Variants in ARFGAP3 observed in about 807,000 individuals in gnomAD.
The protein encoded by ARFGAP3 is ADP-ribosylation factor GTPase-activating protein 3.
In ARFGAP3, 72 loss-of-function variants were observed where a neutral mutation model predicts 75.0. That is an observed-to-expected ratio of 0.96 (90% CI 0.79 to 1.17). ARFGAP3 has a LOEUF of 1.17. ARFGAP3 is among the 50% of genes most tolerant of loss of function. The pLI, the probability that ARFGAP3 is intolerant of heterozygous loss-of-function variation, is 0.00. For missense variants in ARFGAP3, 620 were observed against 626.6 expected (o/e 0.99, Z 0.11); for synonymous variants, 221 against 217.9 (o/e 1.01, Z -0.13).
chr22:42,841,890 G>T (rs1342126238), intron 2 of ARFGAP3, among the ~76,000 whole-genome samples: 2 of 148,302 alleles, frequency 1.3e-5, no homozygotes, highest in African/African-American at 2.5e-5. Context: ...TTGAGACAGG[G>T]TCTCACTCCA....
intron 2 of ARFGAP3, among the ~76,000 whole-genome samples, chr22:42,844,227 G>C (rs1034541718): frequency 6.6e-6 from 1 of 151,694 alleles, no homozygotes; most frequent in Non-Finnish European, 1.5e-5. Context: ...TTTTGAGTCA[G>C]GGTCTTTGTT....
At chr22:42,820,151 C>T (rs973307540) in intron 9 of ARFGAP3, among the ~76,000 whole-genome samples, 2 of 152,310 alleles carry the variant, frequency 1.3e-5, no homozygotes. Flanking sequence ...CGATTTTACA[C>T]ACGCTCTGGG....
chr22:42,800,892 G>A (rs538710768), intron 14 of ARFGAP3, among the ~76,000 whole-genome samples: 124 of 152,346 alleles, frequency 8.1e-4, no homozygotes, highest in Admixed American at 2.9e-3. Context: ...TGCTCAGGAA[G>A]AGCGTCCTTG....
chr22:42,803,712 T>C (rs761694571), intron 14 of ARFGAP3, among the ~76,000 whole-genome samples: 5 of 152,160 alleles, frequency 3.3e-5, no homozygotes, highest in Non-Finnish European at 7.4e-5. Context: ...GGCACTTACA[T>C]GCGCTTCCCA....
intron 1 of ARFGAP3, among the ~76,000 whole-genome samples, chr22:42,852,806 C>G (rs1294808536): frequency 6.6e-6 from 1 of 151,910 alleles, no homozygotes; most frequent in African/African-American, 2.4e-5. Context: ...TCTCTGTTGC[C>G]CAGGCTGGAG....
At chr22:42,833,461 A>G (rs1926382745) in intron 5 of ARFGAP3, among the ~76,000 whole-genome samples, 1 of 152,200 alleles carries the variant, frequency 6.6e-6, no homozygotes, top group African/African-American at 2.4e-5. Context: ...CTGTAAAAGA[A>G]TAGGGCATCT....
chr22:42,837,524 G>A (rs1054821463), intron 3 of ARFGAP3, among the ~76,000 whole-genome samples: 2 of 150,438 alleles, frequency 1.3e-5, no homozygotes, highest in African/African-American at 4.9e-5. Context: ...GGGAGGCTGA[G>A]TGAGAGAATC....
intron 2 of ARFGAP3, 174 bp downstream of exon 2, chr22:42,847,340 T>C (rs1437066870): frequency 1.8e-6 from 1 of 561,658 alleles, no homozygotes; most frequent in African/African-American, 1.9e-5. Context: ...ACATTTTTTA[T>C]TTTTTGTAGA....
At chr22:42,809,257 A>AC (rs2146532638) in intron 12 of ARFGAP3, among the ~76,000 whole-genome samples, 1 of 152,276 alleles carries the variant, frequency 6.6e-6, no homozygotes, top group Non-Finnish European at 1.5e-5. Context: ...TTCAAGTCAC[A>AC]CCTGTTGTCC....
At chr22:42,828,873 T>C (rs1018915775) in intron 6 of ARFGAP3, among the ~76,000 whole-genome samples, 1 of 151,932 alleles carries the variant, frequency 6.6e-6, no homozygotes, top group African/African-American at 2.4e-5. Context: ...TTAGTAGAGA[T>C]AGGGTCCTGC....
intron 6 of ARFGAP3, among the ~76,000 whole-genome samples, chr22:42,831,297 A>G (rs528849005): frequency 1.8e-4 from 28 of 151,644 alleles, no homozygotes; most frequent in Admixed American, 1.7e-3. Context: ...AAAAAAAAAA[A>G]AAAAAAGACA....
At chr22:42,804,574 G>A (rs992063734) in intron 14 of ARFGAP3, among the ~76,000 whole-genome samples, 9 of 151,994 alleles carry the variant, frequency 5.9e-5, no homozygotes, top group African/African-American at 9.7e-5. Flanking sequence ...TAGAGATGGG[G>A]CTTCACCATG....
intron 14 of ARFGAP3, among the ~76,000 whole-genome samples, chr22:42,804,026 C>T (rs1463046888): frequency 6.6e-6 from 1 of 151,260 alleles, no homozygotes; most frequent in African/African-American, 2.4e-5. Flanking sequence ...ACCTTAGCCT[C>T]CAGAGTAGCT....
chr22:42,857,183 C>T lies in ARFGAP3; in HGVS notation c.-1G>A, dbSNP rs766185977. ...TGTCCTGCTTGCTGGGGTCCCCCAT[C>T]GTCAGCTGTGAGCCGCGGCGCAGCT... is the stretch of plus-strand genomic sequence containing the variant. On this transcript the variant is annotated 5_prime_UTR_variant, in exon 1 of 16. Transcript: ENST00000263245. The T allele has an allele frequency of 1.3e-6, 2 of 1,512,228 alleles. No individual in the cohort carries two copies. Among genetic ancestry groups the T allele is most frequent in the Non-Finnish European group, 1.8e-6 (2 of 1,127,636 alleles). The allele number at this position is 1,512,228 out of a possible 1,614,324, so 93.7% of individuals were successfully genotyped here.
chr22:42,838,733 C>T (rs1926647594), intron 3 of ARFGAP3, among the ~76,000 whole-genome samples: 1 of 152,166 alleles, frequency 6.6e-6, no homozygotes, highest in Non-Finnish European at 1.5e-5. Context: ...CAAGATTTGG[C>T]TGGCTAGATT....
chr22:42,806,972 T>C (rs979656187), intron 14 of ARFGAP3, 101 bp downstream of exon 14: 1 of 1,200,722 alleles, frequency 8.3e-7, no homozygotes, highest in Non-Finnish European at 1.1e-6. Context: ...CATCGAATAA[T>C]GGTTGCTAAA....
In ARFGAP3 at chr22:42,835,441, T is replaced by G. The variant is rs1440549666; in HGVS notation, c.314A>C (p.Tyr105Ser). The change falls in exon 4 of 16, where the codon TAC becomes TCC. Residue 105 changes from tyrosine to serine, a missense_variant. Coordinates refer to ENST00000263245, the MANE Select transcript of ARFGAP3 (RefSeq NM_014570.5). ...ATAGAGCTGAGCAGCACGACTGTTG[T>G]ACTTGGCATTGGTGTCATTGGTGGA... Reference protein sequence around the residue: ...GCSTNDTNAKYNSRAAQLYRE... With the variant: ...GCSTNDTNAKSNSRAAQLYRE... 1 of 1,614,152 alleles carries G rather than the reference T, an allele frequency of 6.2e-7. No homozygotes were observed. The highest frequency in any genetic ancestry group is 8.5e-7 in the Non-Finnish European group (1 of 1,180,008).
intron 11 of ARFGAP3, 21 bp downstream of exon 11, chr22:42,817,121 C>A: frequency 1.3e-6 from 2 of 1,520,236 alleles, no homozygotes; most frequent in Non-Finnish European, 1.8e-6. Flanking sequence ...GACACTTCAA[C>A]GATGATTTGT....
chr22:42,804,156 A>G (rs2146526705), intron 14 of ARFGAP3, among the ~76,000 whole-genome samples: 1 of 151,730 alleles, frequency 6.6e-6, no homozygotes. Flanking sequence ...CGTCTTCCTC[A>G]GCCTCCCAAA....
Sources: allele counts gnomAD v4.1 joint callset (sites outside exome capture counted in the v4.1 genomes callset), GRCh38; gene constraint gnomAD v4.1.1; transcripts MANE v1.5; gene names NCBI Gene and HGNC (gene_info 2026-07-23, HGNC 2026-07-21).